The following PER2 variants were observed in gnomAD, a reference collection of about 807,000 sequenced individuals.
PER2 encodes period circadian regulator 2, also known as period circadian protein homolog 2.
Under a neutral mutation model 121.0 loss-of-function variants are expected in PER2, and 66 were observed. The ratio of observed to expected loss-of-function variants is 0.55; its 90% CI spans 0.45 to 0.67. PER2 has a LOEUF of 0.67. Among genes scored for constraint, PER2 ranks in the 30% least tolerant of loss-of-function variants. The pLI is 0.00. For missense variants in PER2, 1,521 were observed against 1,635.0 expected, an observed-to-expected ratio of 0.93 and a Z score of 1.20; for synonymous variants, 684 against 659.9, an observed-to-expected ratio of 1.04 and a Z score of -0.56.
intron 1 of PER2, among the ~76,000 whole-genome samples, chr2:238,286,758 G>A (rs572337325): frequency 6.6e-6 from 1 of 152,352 alleles, no homozygotes; most frequent in South Asian, 2.1e-4. Flanking sequence ...CAGAGCCGTG[G>A]TTTGCCGAGT....
chr2:238,286,509 G>T (rs189293317), intron 1 of PER2, among the ~76,000 whole-genome samples: 318 of 152,274 alleles, frequency 2.1e-3, no homozygotes, highest in South Asian at 5.8e-3. Context: ...CCCTAGGGGG[G>T]AGTGCGTGGG....
intron 2 of PER2, 133 bp downstream of exon 2, chr2:238,277,574 T>C: frequency 1.9e-6 from 2 of 1,073,918 alleles, no homozygotes; most frequent in Middle Eastern, 2.2e-4. Context: ...TGGCACATTT[T>C]AGGTATTTTC....
chr2:238,277,119 A>C lies in PER2; in HGVS notation c.293+12T>G. The C allele has an allele frequency of 6.3e-7, 1 of 1,586,560 alleles. No individual in the cohort carries two copies. Among genetic ancestry groups the C allele is most frequent in the Non-Finnish European group, 8.7e-7 (1 of 1,154,856 alleles). On this transcript the variant is annotated intron_variant, in intron 3 of 22. Coordinates refer to ENST00000254657, the MANE Select transcript of PER2 (RefSeq NM_022817.3). ...CTAAAACCTCTATGTATGAAGTTCT[A>C]ATTGGCCTTACCTGCAGCCACTTGT...
chr2:238,248,241 C>T (rs1451268865), intron 22 of PER2, among the ~76,000 whole-genome samples: 2 of 152,136 alleles, frequency 1.3e-5, no homozygotes, highest in African/African-American at 2.4e-5. Context: ...GCCAATGGTC[C>T]CTGGGACGAG....
At chr2:238,271,117 T>G (rs1696269403) in intron 6 of PER2, among the ~76,000 whole-genome samples, 195 bp downstream of exon 6, 1 of 152,240 alleles carries the variant, frequency 6.6e-6, no homozygotes, top group Non-Finnish European at 1.5e-5. Context: ...GGAAAGACTA[T>G]TTTTTTCTCT....
upstream of PER2, among the ~76,000 whole-genome samples, chr2:238,293,700 A>G (rs1413181749): frequency 6.6e-6 from 1 of 150,658 alleles, no homozygotes; most frequent in East Asian, 1.9e-4. Flanking sequence ...ATGCCACTGT[A>G]CTTCAGCCTG....
In PER2 at chr2:238,256,259, G is replaced by A. The variant is rs548214306; in HGVS notation, c.2066-348C>T. On this transcript the variant is annotated intron_variant, in intron 17 of 22. Coordinates refer to ENST00000254657, the MANE Select transcript of PER2 (RefSeq NM_022817.3). Reference sequence around the variant, plus strand: ...TTGGATCAACGTGCTGAGTCTTTCCGGGTTTGGGACCAGGCATGGTGATAG... The same window carrying A: ...TTGGATCAACGTGCTGAGTCTTTCCAGGTTTGGGACCAGGCATGGTGATAG... Among the ~76,000 whole-genome samples the A allele has an allele frequency of 2.1e-4, 32 of 152,248 alleles. No individual in the cohort carries two copies. In the South Asian group the frequency reaches 2.3e-3, roughly 11 times the overall value.
chr2:238,262,942 G>C lies in PER2; in HGVS notation c.1153+10C>G, dbSNP rs375455180. On this transcript the variant is annotated intron_variant, in intron 10 of 22. Coordinates refer to ENST00000254657, the MANE Select transcript of PER2 (RefSeq NM_022817.3). ...AACACTTCAGGATGTACCATGAAAA[G>C]GGGACCTACTCTTTTTGTGGATGGC... The C allele has an allele frequency of 3.1e-5, 48 of 1,571,610 alleles. No homozygotes were observed. The African/African-American group carries it at 5.8e-4, about 19-fold the overall frequency.
At chr2:238,292,740 C>CT (rs1189740145), upstream of PER2, among the ~76,000 whole-genome samples, 2,636 of 137,746 alleles carry the variant, frequency 0.019, 102 homozygotes, top group African/African-American at 0.062. Flanking sequence ...TTTTCTTTCT[C>CT]TTTTTTTTTT....
At chr2:238,264,768 G>A (rs1659664743) in intron 9 of PER2, among the ~76,000 whole-genome samples, 1 of 152,154 alleles carries the variant, frequency 6.6e-6, no homozygotes, top group African/African-American at 2.4e-5. Context: ...GACTACAGGT[G>A]CACACCACCA....
intron 1 of PER2, among the ~76,000 whole-genome samples, chr2:238,286,505 G>C (rs573345870): frequency 5.3e-5 from 8 of 152,292 alleles, no homozygotes; most frequent in Admixed American, 2.6e-4. Flanking sequence ...TGGTCCCTAG[G>C]GGGGAGTGCG....
rs1420784661 is a variant in PER2 at position 238,249,205 on chromosome 2, C to T, written c.3475G>A (p.Glu1159Lys). The T allele has an allele frequency of 6.2e-7, 1 of 1,613,892 alleles. No homozygotes were observed. Among genetic ancestry groups the T allele is most frequent in the Admixed American group, 1.7e-5 (1 of 60,026 alleles). Residue 1159 changes from glutamate to lysine, a missense_variant, in exon 22 of 23, where the codon GAA becomes AAA. Physicochemically the swap from Glu to Lys is moderately conservative, Grantham distance 56. Transcript: ENST00000254657. ...TCTCTGTCCTCCTTCAAAACCGCTTCTAAATTTCTTCGCAAGATATTTAGA... is the reference window on the plus strand; with the variant it reads ...TCTCTGTCCTCCTTCAAAACCGCTTTTAAATTTCTTCGCAAGATATTTAGA... ...MTYQLPSRNLEAVLKEDREKL... is the reference protein window; with the variant it reads ...MTYQLPSRNLKAVLKEDREKL...
intron 8 of PER2, 96 bp downstream of exon 8, chr2:238,267,960 G>T: frequency 1.4e-6 from 2 of 1,391,284 alleles, no homozygotes; most frequent in Non-Finnish European, 1.0e-6. Flanking sequence ...GAACTGCAGC[G>T]GGGAGTCCAT....
intron 8 of PER2, 54 bp from the exon 9 acceptor site, chr2:238,265,644 T>C: frequency 9.0e-7 from 1 of 1,115,092 alleles, no homozygotes; most frequent in Middle Eastern, 2.0e-4. Flanking sequence ...GCATATTTGA[T>C]GTTATATTAA....
chr2:238,261,799 C>T lies in PER2; in HGVS notation c.1346G>A (p.Cys449Tyr), dbSNP rs1242962153. Residue 449 changes from cysteine (C) to tyrosine (Y), a missense_variant, in exon 12 of 23, where the codon TGC (cysteine) becomes TAC (tyrosine). By Grantham distance (194) the Cys-to-Tyr change is radical (BLOSUM62 -2). Coordinates refer to ENST00000254657, the MANE Select transcript of PER2 (RefSeq NM_022817.3). The part of the protein sequence containing the change: ...LNEDVFAAHP[C>Y]TEEKALHPSI... ...GGGGTGCAGGGCCTTCTCCTCTGTG[C>T]AGGGGTGGGCTGCAAACACGTCCTC... The T allele has an allele frequency of 6.3e-7, 1 of 1,575,966 alleles. No homozygotes were observed. Among genetic ancestry groups the T allele is most frequent in the Admixed American group, 1.8e-5 (1 of 55,084 alleles).
intron 18 of PER2, among the ~76,000 whole-genome samples, chr2:238,254,467 G>A (rs1399305125): frequency 6.6e-6 from 1 of 152,258 alleles, no homozygotes; most frequent in Admixed American, 6.5e-5. Context: ...GGGATGTGCT[G>A]AAGGGAAATG....
At chr2:238,274,536 G>A (rs1386078519) in intron 4 of PER2, among the ~76,000 whole-genome samples, 1 of 152,224 alleles carries the variant, frequency 6.6e-6, no homozygotes, top group Non-Finnish European at 1.5e-5. Context: ...ATGTCCATGT[G>A]GCAGAGCTTC....
intron 6 of PER2, among the ~76,000 whole-genome samples, chr2:238,269,726 C>T (rs188595227): frequency 1.3e-5 from 2 of 152,370 alleles, no homozygotes; most frequent in East Asian, 3.9e-4. Context: ...TGGTGCACTG[C>T]TGCAAACACA....
Position 238,244,402 on chromosome 2 carries a change from T to A in PER2, c.*1973A>T, listed in dbSNP as rs1001412645. On this transcript the variant is annotated 3_prime_UTR_variant, in exon 23 of 23. Coordinates refer to ENST00000254657, the MANE Select transcript of PER2 (RefSeq NM_022817.3). ...CACGCGCTGAAGCTACAGTTAACAA[T>A]CAGTGAGCACATATTAAATGATAAA... 3.3e-5 allele frequency: 5 copies of A among 152,576 alleles called. No individual in the cohort carries two copies. Among genetic ancestry groups the A allele is most frequent in the African/African-American group, 1.2e-4 (5 of 41,464 alleles). The allele number at this position is 152,576 out of a possible 1,614,324, so 9.5% of individuals were successfully genotyped here. A position where few individuals can be genotyped will look rare whatever the true frequency, so the allele number is the denominator to read the frequency against.
Sources: allele counts gnomAD v4.1 joint callset (sites outside exome capture counted in the v4.1 genomes callset), GRCh38; gene constraint gnomAD v4.1.1; transcripts MANE v1.5; gene names NCBI Gene and HGNC (gene_info 2026-07-23, HGNC 2026-07-21).